The following KCNIP1 variants were observed in gnomAD, a reference collection of about 807,000 sequenced individuals.
KCNIP1 encodes potassium voltage-gated channel interacting protein 1.
Under a neutral mutation model 33.0 loss-of-function variants are expected in KCNIP1, and 18 were observed. The ratio of observed to expected loss-of-function variants is 0.55; its 90% CI spans 0.38 to 0.81. KCNIP1 has a LOEUF of 0.81. Ranked by LOEUF, KCNIP1 falls within the 30% of genes least tolerant of loss-of-function variation. The pLI, the probability that KCNIP1 is intolerant of heterozygous loss-of-function variation, is 0.00. For synonymous variants in KCNIP1, 93 were observed against 98.3 expected, an observed-to-expected ratio of 0.95 and a Z score of 0.32; for missense variants, 238 against 271.6, an observed-to-expected ratio of 0.88 and a Z score of 0.87.
chr5:170,423,529 C>G (rs938599156), intron 1 of KCNIP1, among the ~76,000 whole-genome samples: 1 of 152,132 alleles, frequency 6.6e-6, no homozygotes, highest in Non-Finnish European at 1.5e-5. Context: ...TTTAGAGGAT[C>G]TTCTTAGCAT....
chr5:170,427,131 C>A (rs1755632721), intron 1 of KCNIP1, among the ~76,000 whole-genome samples: 1 of 152,226 alleles, frequency 6.6e-6, no homozygotes. Context: ...CCTCCCAGAG[C>A]CTCTGCAGGT....
intron 1 of KCNIP1, among the ~76,000 whole-genome samples, chr5:170,608,004 A>G (rs1290909354): frequency 6.6e-5 from 10 of 152,206 alleles, no homozygotes; most frequent in Non-Finnish European, 4.4e-5. Context: ...GGTTTAAAAC[A>G]ATAGACATTT....
At chr5:170,490,305 C>T (rs1757180075) in intron 1 of KCNIP1, among the ~76,000 whole-genome samples, 1 of 152,230 alleles carries the variant, frequency 6.6e-6, no homozygotes, top group Admixed American at 6.5e-5. Flanking sequence ...ACTGCTCTCA[C>T]CCTTGCTTTC....
At chr5:170,589,789 T>G (rs374612250) in intron 1 of KCNIP1, among the ~76,000 whole-genome samples, 5,849 of 43,170 alleles carry the variant, frequency 0.14, 336 homozygotes, top group African/African-American at 0.24. Context: ...TGTGATGTGA[T>G]GTGGTGTGCG....
In KCNIP1 at chr5:170,640,445, A is replaced by G. The variant is rs545528454; in HGVS notation, c.62-78313A>G. ...CCGCCATCTTGAATTGCAGGTGAAT[A>G]TCAGCCTTTGGTTTGGGCTGTGTGC... On this transcript the variant is annotated intron_variant, in intron 1 of 7. Coordinates refer to ENST00000328939, the MANE Select transcript of KCNIP1 (RefSeq NM_014592.4). Among the ~76,000 whole-genome samples the G allele has an allele frequency of 2.0e-3, 298 of 152,342 alleles. 4 individuals are homozygous for G. The highest frequency in any genetic ancestry group is 2.2e-3 in the Non-Finnish European group (147 of 68,034).
At chr5:170,488,242 G>A (rs1208868045) in intron 1 of KCNIP1, among the ~76,000 whole-genome samples, 1 of 152,186 alleles carries the variant, frequency 6.6e-6, no homozygotes, top group East Asian at 1.9e-4. Flanking sequence ...TTTCCGGGAA[G>A]AGAGTTCAGG....
At chr5:170,667,308 G>A (rs1234152494) in intron 1 of KCNIP1, among the ~76,000 whole-genome samples, 4 of 120,052 alleles carry the variant, frequency 3.3e-5, no homozygotes, top group South Asian at 3.0e-4. Context: ...GTGAAACTCC[G>A]TCTCAAAAAA....
intron 1 of KCNIP1, among the ~76,000 whole-genome samples, chr5:170,707,059 G>C (rs972261479): frequency 1.3e-5 from 2 of 151,252 alleles, no homozygotes; most frequent in African/African-American, 4.9e-5. Context: ...AGAAAGAGTT[G>C]TCTACTGAAA....
At chr5:170,465,808 G>A (rs1031331213) in intron 1 of KCNIP1, among the ~76,000 whole-genome samples, 2 of 152,306 alleles carry the variant, frequency 1.3e-5, no homozygotes, top group African/African-American at 2.4e-5. Flanking sequence ...GTCCTCAGAA[G>A]AACATTCTAG....
chr5:170,564,849 C>G (rs1757152274), intron 1 of KCNIP1, among the ~76,000 whole-genome samples: 1 of 152,114 alleles, frequency 6.6e-6, no homozygotes, highest in South Asian at 2.1e-4. Flanking sequence ...TCCATTCATT[C>G]AACAATTGTT....
chr5:170,698,934 A>T (rs946532774), intron 1 of KCNIP1, among the ~76,000 whole-genome samples: 5 of 152,086 alleles, frequency 3.3e-5, no homozygotes, highest in African/African-American at 1.2e-4. Flanking sequence ...TCCAAGCCGG[A>T]GGATCTCCAC....
chr5:170,364,324 G>T (rs565929987), intron 1 of KCNIP1, among the ~76,000 whole-genome samples: 4 of 152,184 alleles, frequency 2.6e-5, no homozygotes, highest in East Asian at 3.9e-4. Context: ...TGTCTTTAAG[G>T]TTCATTCCTG....
intron 1 of KCNIP1, among the ~76,000 whole-genome samples, chr5:170,495,928 A>G (rs1179914764): frequency 6.6e-6 from 1 of 151,888 alleles, no homozygotes; most frequent in East Asian, 1.9e-4. Context: ...TTCCTTTTTC[A>G]GGCTCCAATT....
At chr5:170,450,038 T>A (rs59321111) in intron 1 of KCNIP1, among the ~76,000 whole-genome samples, 64,714 of 151,734 alleles carry the variant, frequency 0.43, 14,831 homozygotes, top group East Asian at 0.58. Context: ...GATAAGTTAG[T>A]TTACTTAGGC....
intron 1 of KCNIP1, among the ~76,000 whole-genome samples, chr5:170,402,123 T>C (rs1045635408): frequency 6.6e-5 from 10 of 152,210 alleles, no homozygotes; most frequent in African/African-American, 2.4e-4. Context: ...TCTTCTCTCC[T>C]GTCTCTGATA....
rs1262815372 is a variant in KCNIP1, at chr5:170,400,016, G to A, written c.88+46052G>A. 7.2e-5 allele frequency among the ~76,000 whole-genome samples: 11 copies of A among 152,144 alleles called. No homozygotes were observed. In the East Asian group the frequency reaches 2.1e-3, roughly 29 times the overall value. On this transcript the variant is annotated intron_variant, in intron 1 of 7. Transcript: ENST00000377360. ...ATACACACCTCTGTTCTGTTGGTGA[G>A]CCATGTGAGCTCAGACAGGTGCAGT... is the stretch of plus-strand genomic sequence containing the variant.
chr5:170,471,115 C>T (rs1198513964), intron 1 of KCNIP1, among the ~76,000 whole-genome samples: 2 of 152,188 alleles, frequency 1.3e-5, no homozygotes, highest in African/African-American at 2.4e-5. Context: ...AGGCTTGCTA[C>T]GTGCCTGGAA....
At chr5:170,480,718 A>G (rs1756958964) in intron 1 of KCNIP1, among the ~76,000 whole-genome samples, 1 of 152,188 alleles carries the variant, frequency 6.6e-6, no homozygotes, top group Admixed American at 6.5e-5. Context: ...TGCTGGGATT[A>G]CAGGCGTGAG....
intron 1 of KCNIP1, among the ~76,000 whole-genome samples, chr5:170,673,370 G>C (rs1761996222): frequency 6.6e-6 from 1 of 152,224 alleles, no homozygotes; most frequent in African/African-American, 2.4e-5. Context: ...AGTGAGAGTG[G>C]TGATGATGAC....
Sources: gnomAD v4.1 joint callset for allele counts (sites outside exome capture counted in the v4.1 genomes callset) on GRCh38, gnomAD v4.1.1 for gene constraint, MANE v1.5 for transcripts, NCBI Gene and HGNC (gene_info 2026-07-23, HGNC 2026-07-21) for gene names.